Variants in ZNF292 observed in about 807,000 individuals in gnomAD.
ZNF292 encodes the protein 16 zinc-finger domain protein.
ZNF292 carries 26 observed loss-of-function variants against 217.9 expected under a neutral mutation model. That is an observed-to-expected ratio of 0.12 (90% CI 0.09 to 0.17). The LOEUF (loss-of-function observed/expected upper bound fraction) is 0.17. Ranked by LOEUF, ZNF292 falls within the 10% of genes least tolerant of loss-of-function variation. The pLI is 1.00. For synonymous variants in ZNF292, 1,257 were observed against 1,124.1 expected, an observed-to-expected ratio of 1.12 and a Z score of -2.37; for missense variants, 2,904 against 3,175.2, an observed-to-expected ratio of 0.91 and a Z score of 2.05.
At chr6:87,188,643 T>A (rs1300193759) in intron 1 of ZNF292, among the ~76,000 whole-genome samples, 1 of 152,060 alleles carries the variant, frequency 6.6e-6, no homozygotes, top group East Asian at 1.9e-4. Context: ...AATGCTTATG[T>A]TGAAATTAGT....
chr6:87,261,875 G>A lies in ZNF292; in HGVS notation c.*74G>A. Reference sequence around the variant, plus strand: ...AAGCCATCAAGCATGCTAGAATTGTGAAACTTTCATTATATTTTTTTGTTG... The same window carrying A: ...AAGCCATCAAGCATGCTAGAATTGTAAAACTTTCATTATATTTTTTTGTTG... On this transcript the variant is annotated 3_prime_UTR_variant, in exon 8 of 8. Transcript: ENST00000369577. The A allele has an allele frequency of 1.9e-6, 2 of 1,049,092 alleles. No individual in the cohort carries two copies. Among genetic ancestry groups the A allele is most frequent in the Non-Finnish European group, 2.6e-6 (2 of 772,642 alleles). 65.0% of individuals were successfully genotyped at this position (1,049,092 alleles called of 1,614,324 possible).
At position 87,257,398 on chromosome 6, in the gene ZNF292, A is replaced by C. The variant is rs1029972923; in HGVS notation, c.3769A>C (p.Ser1257Arg). The part of the protein sequence containing the change: ...TKTVLPLNID[S>R]GSDPFLPLPA... ...AACAGTTCTGCCTTTGAATATTGAC[A>C]GTGGCTCAGATCCTTTCCTTCCTTT... The change falls in exon 8 of 8, where the codon AGT (serine) becomes CGT (arginine). Residue 1257 changes from serine to arginine, a missense_variant. This residue lies in a region of ZNF292 where 687 missense variants were observed against 623.0 expected (regional missense o/e 1.10). Coordinates refer to ENST00000369577, the MANE Select transcript of ZNF292 (RefSeq NM_015021.3). 2 of 1,613,508 alleles carry C rather than the reference A, an allele frequency of 1.2e-6. No homozygotes were observed. The highest frequency in any genetic ancestry group is 2.7e-5 in the African/African-American group (2 of 74,928).
In ZNF292 at chr6:87,259,010, A is replaced by G. The variant is rs1775404039; in HGVS notation, c.5381A>G (p.Gln1794Arg). ...SQNAQINYNI[Q>R]LPSVNTVQNN... ...AATGCTCAAATAAATTATAACATTC[A>G]GCTTCCTTCAGTAAACACTGTGCAA... Residue 1794 changes from glutamine to arginine, a missense_variant, in exon 8 of 8, where the codon CAG becomes CGG. Gln to Arg is a conservative substitution (Grantham distance 43, BLOSUM62 1). Coordinates refer to ENST00000369577, the MANE Select transcript of ZNF292 (RefSeq NM_015021.3). The G allele has an allele frequency of 6.2e-7, 1 of 1,613,442 alleles. No homozygotes were observed. Among genetic ancestry groups the G allele is most frequent in the Admixed American group, 1.7e-5 (1 of 59,882 alleles).
At chr6:87,155,829 C>T (rs1191841704) in intron 1 of ZNF292, 70 bp downstream of exon 1, 5 of 1,463,200 alleles carry the variant, frequency 3.4e-6, no homozygotes, top group South Asian at 2.8e-5. Context: ...GAGCGCTAGG[C>T]GGCCGAGAGG....
Position 87,215,866 on chromosome 6 carries a change from A to G in ZNF292, c.169-37A>G, listed in dbSNP as rs780378298. 8 of 1,515,802 alleles carry G rather than the reference A, an allele frequency of 5.3e-6. No individual in the cohort carries two copies. The Admixed American group carries it at 1.2e-4, about 23-fold the overall frequency. The allele number at this position is 1,515,802 out of a possible 1,614,324, so 93.9% of individuals were successfully genotyped here. On this transcript the variant is annotated intron_variant, in intron 1 of 7. Coordinates refer to ENST00000369577, the MANE Select transcript of ZNF292 (RefSeq NM_015021.3). ...GATGAGTCAATGTATATTTTGATTT[A>G]CATTTTGAATACTTTTTATTATTCC...
At chr6:87,173,067 T>C (rs1441642278) in intron 1 of ZNF292, among the ~76,000 whole-genome samples, 2 of 152,122 alleles carry the variant, frequency 1.3e-5, no homozygotes, top group Non-Finnish European at 2.9e-5. Context: ...GGAATAACTT[T>C]ATGTAGTATA....
intron 4 of ZNF292, among the ~76,000 whole-genome samples, chr6:87,222,451 T>A (rs891862855): frequency 6.6e-6 from 1 of 152,212 alleles, no homozygotes; most frequent in African/African-American, 2.4e-5. Flanking sequence ...AAACTGGCTG[T>A]GACAGTTTTT....
At chr6:87,216,519 A>G in intron 3 of ZNF292, 142 bp downstream of exon 3, 1 of 607,944 alleles carries the variant, frequency 1.6e-6, no homozygotes. Flanking sequence ...CTAGTATCTT[A>G]CATAGAGTAG....
chr6:87,236,614 C>CT (rs557281545), intron 5 of ZNF292, among the ~76,000 whole-genome samples: 140 of 152,178 alleles, frequency 9.2e-4, no homozygotes, highest in African/African-American at 3.2e-3. Context: ...AAAACTAAAA[C>CT]TTTCTATCTT....
chr6:87,218,024 C>G (rs1772875135), intron 3 of ZNF292, among the ~76,000 whole-genome samples: 1 of 152,078 alleles, frequency 6.6e-6, no homozygotes, highest in East Asian at 1.9e-4. Context: ...AACTATTGGT[C>G]TTTTGTGGAC....
At chr6:87,188,799 TAAA>T (rs975498498) in intron 1 of ZNF292, among the ~76,000 whole-genome samples, 2 of 150,980 alleles carry the variant, frequency 1.3e-5, no homozygotes, top group African/African-American at 2.4e-5. Context: ...AACTGTTTAA[TAAA>T]AAAAATTACT....
intron 1 of ZNF292, among the ~76,000 whole-genome samples, chr6:87,196,288 C>G (rs552346160): frequency 1.3e-5 from 2 of 152,100 alleles, no homozygotes; most frequent in South Asian, 4.1e-4. Context: ...TTTTTTTCCT[C>G]TGGGATATCT....
chr6:87,246,762 G>A (rs1161425934), intron 7 of ZNF292, among the ~76,000 whole-genome samples: 1 of 152,160 alleles, frequency 6.6e-6, no homozygotes, highest in Non-Finnish European at 1.5e-5. Flanking sequence ...CTGCTGAGGT[G>A]GGAGGATGGC....
At position 87,263,761 on chromosome 6, in the gene ZNF292, A is replaced by C. The variant is rs979677356; in HGVS notation, c.*1960A>C. 1 of 152,152 alleles carries C rather than the reference A, an allele frequency of 6.6e-6. No homozygotes were observed. The highest frequency in any genetic ancestry group is 2.4e-5 in the African/African-American group (1 of 41,460). 9.4% of individuals were successfully genotyped at this position (152,152 alleles called of 1,614,324 possible). Reference sequence around the variant, plus strand: ...GTAATTTTAATATTAAATTTTTGTTAACAACTGAATGTTTCCATACAGTTT... The same window carrying C: ...GTAATTTTAATATTAAATTTTTGTTCACAACTGAATGTTTCCATACAGTTT... On this transcript the variant is annotated 3_prime_UTR_variant, in exon 8 of 8. Transcript: ENST00000369577.
At chr6:87,170,644 G>C (rs577161218) in intron 1 of ZNF292, among the ~76,000 whole-genome samples, 2 of 152,098 alleles carry the variant, frequency 1.3e-5, no homozygotes, top group East Asian at 1.9e-4. Context: ...TTTGTGGTGT[G>C]GGTTTTTTAA....
At chr6:87,200,108 C>G (rs1191099373) in intron 1 of ZNF292, among the ~76,000 whole-genome samples, 1 of 152,138 alleles carries the variant, frequency 6.6e-6, no homozygotes, top group Non-Finnish European at 1.5e-5. Context: ...TCTGAAGTTA[C>G]TAGGGGTTAT....
rs757528832 is a variant in ZNF292 at position 87,257,481 on chromosome 6, T to C, written c.3852T>C (p.Asn1284=). The change falls in exon 8 of 8, where the codon AAT becomes AAC. Residue 1284 remains asparagine (N), a synonymous_variant. Coordinates refer to ENST00000369577, the MANE Select transcript of ZNF292 (RefSeq NM_015021.3). ...LFPSPADSGT[N]SVFSQLENNT... ...CTTCACCAGCAGATAGTGGGACTAA[T>C]TCTGTTTTTTCCCAACTGGAAAATA... 8 of 1,612,634 alleles carry C rather than the reference T, an allele frequency of 5.0e-6. No individual in the cohort carries two copies. The highest frequency in any genetic ancestry group is 1.1e-5 in the South Asian group (1 of 90,810).
chr6:87,247,208 T>A (rs1240229674), intron 7 of ZNF292, among the ~76,000 whole-genome samples: 3 of 150,384 alleles, frequency 2.0e-5, no homozygotes, highest in African/African-American at 7.3e-5. Context: ...CAGCTCTTCT[T>A]GTCTACTTGG....
At chr6:87,237,450 C>G (rs1004153384) in intron 5 of ZNF292, among the ~76,000 whole-genome samples, 3 of 152,152 alleles carry the variant, frequency 2.0e-5, no homozygotes, top group Non-Finnish European at 4.4e-5. Flanking sequence ...CTGTGTTGCT[C>G]AGGCTGGTCT....
Sources: gnomAD v4.1 joint callset for allele counts (sites outside exome capture counted in the v4.1 genomes callset) on GRCh38, gnomAD v4.1.1 for gene constraint, gnomAD v4.1.1 regional missense constraint, MANE v1.5 for transcripts, NCBI Gene and HGNC (gene_info 2026-07-23, HGNC 2026-07-21) for gene names.